The following SRFBP1 variants were observed in gnomAD, a reference collection of about 807,000 sequenced individuals.
The protein encoded by SRFBP1 is serum response factor binding protein 1, also known as serum response factor-binding protein 1.
In SRFBP1, 47 loss-of-function variants were observed where a neutral mutation model predicts 45.5. That is an observed-to-expected ratio of 1.03 (90% CI 0.82 to 1.32). SRFBP1 has a LOEUF of 1.32. Among genes scored for constraint, SRFBP1 ranks in the 40% most tolerant of loss-of-function variants. The probability of loss-of-function intolerance (pLI) is 0.00; values close to 1 mark genes in which losing one functional copy is unlikely to be tolerated. For missense variants in SRFBP1, 621 were observed against 484.6 expected (o/e 1.28, Z -2.64); for synonymous variants, 203 against 166.3 (o/e 1.22, Z -1.70).
At chr5:121,973,606 ATG>A (rs202190414) in intron 1 of SRFBP1, among the ~76,000 whole-genome samples, 6,312 of 136,966 alleles carry the variant, frequency 0.046, 161 homozygotes, top group African/African-American at 0.06. Flanking sequence ...ATGTGTGTGC[ATG>A]TGTGTGTGGG....
intron 2 of SRFBP1, among the ~76,000 whole-genome samples, chr5:122,062,485 C>T (rs1195611668): frequency 1.3e-5 from 2 of 151,962 alleles, no homozygotes; most frequent in East Asian, 3.9e-4. Context: ...AATTAATGAA[C>T]AGTGCTTGAA....
chr5:122,019,118 G>T, intron 4 of SRFBP1, 142 bp from the exon 5 acceptor site: 1 of 690,666 alleles, frequency 1.4e-6, no homozygotes. Flanking sequence ...TGATTATACA[G>T]ATATCTTATC....
At position 121,961,991 on chromosome 5, in the gene SRFBP1, G is replaced by A. The variant is rs1290817911; in HGVS notation, c.-42G>A. ...GACGCAGCCGCGGTCTGAGAGACCG[G>A]TTCACGTGCAGGCAGCGGCGGATCA... On this transcript the variant is annotated 5_prime_UTR_variant, in exon 1 of 8. Transcript: ENST00000339397. 13 of 1,613,476 alleles carry A rather than the reference G, an allele frequency of 8.1e-6. No homozygotes were observed. The highest frequency in any genetic ancestry group is 1.7e-5 in the Admixed American group (1 of 59,994).
At chr5:121,971,106 T>C (rs1481844406) in intron 1 of SRFBP1, among the ~76,000 whole-genome samples, 2 of 152,008 alleles carry the variant, frequency 1.3e-5, no homozygotes, top group African/African-American at 4.8e-5. Context: ...GAAAGGCCAA[T>C]GTGATTCTTC....
rs1241046089 is a variant in SRFBP1, at chr5:122,027,421, T to A, written c.*295T>A. The A allele has an allele frequency of 3.8e-5, 7 of 182,282 alleles. No homozygotes were observed. The highest frequency in any genetic ancestry group is 4.7e-5 in the African/African-American group (2 of 42,582). The allele number at this position is 182,282 out of a possible 1,614,324, so 11.3% of individuals were successfully genotyped here. A position where few individuals can be genotyped will look rare whatever the true frequency, so the allele number is the denominator to read the frequency against. ...GAATGTTTGTTTTTGTATTTTTTTTTAAAGTAAATTCAACTTACGCTTATA... is the reference window on the plus strand; with the variant it reads ...GAATGTTTGTTTTTGTATTTTTTTTAAAAGTAAATTCAACTTACGCTTATA... On this transcript the variant is annotated 3_prime_UTR_variant, in exon 8 of 8. Coordinates refer to ENST00000339397, the MANE Select transcript of SRFBP1 (RefSeq NM_152546.3).
intron 1 of SRFBP1, among the ~76,000 whole-genome samples, chr5:121,964,636 C>A (rs962154754): frequency 6.6e-6 from 1 of 152,120 alleles, no homozygotes; most frequent in Non-Finnish European, 1.5e-5. Flanking sequence ...CTGTTGTAAA[C>A]AGTGCCACAA....
At chr5:122,054,680 T>C (rs973075239) in intron 2 of SRFBP1, among the ~76,000 whole-genome samples, 18 of 152,332 alleles carry the variant, frequency 1.2e-4, no homozygotes, top group East Asian at 5.8e-4. Flanking sequence ...TAAATTAATA[T>C]ATTTATCTTT....
At chr5:122,050,950 A>G (rs1348489087) in intron 2 of SRFBP1, among the ~76,000 whole-genome samples, 3 of 152,076 alleles carry the variant, frequency 2.0e-5, no homozygotes, top group African/African-American at 2.4e-5. Context: ...AGTATGTTGT[A>G]TCTTCGTTCA....
intron 2 of SRFBP1, among the ~76,000 whole-genome samples, chr5:122,052,494 G>A (rs370754585): frequency 1.3e-5 from 2 of 152,080 alleles, no homozygotes; most frequent in African/African-American, 4.8e-5. Flanking sequence ...ATTTCAGAGT[G>A]CCAGTCTTCG....
At chr5:122,014,681 C>A (rs908424691) in intron 4 of SRFBP1, among the ~76,000 whole-genome samples, 1 of 152,066 alleles carries the variant, frequency 6.6e-6, no homozygotes, top group Non-Finnish European at 1.5e-5. Flanking sequence ...ACTAAATCAG[C>A]GTTAGTCTGG....
chr5:122,077,031 G>T (rs1561420852), downstream of SRFBP1: 4 of 1,609,424 alleles, frequency 2.5e-6, no homozygotes, highest in Admixed American at 5.0e-5. The surrounding 1 kb of genome is among the most constrained non-coding windows in gnomAD (Gnocchi z 4.9). Flanking sequence ...GGGCGCAGCA[G>T]TGAAACAACC....
chr5:122,026,407 A>G (rs1753481147), intron 7 of SRFBP1, among the ~76,000 whole-genome samples: 1 of 152,234 alleles, frequency 6.6e-6, no homozygotes, highest in African/African-American at 2.4e-5. Context: ...TCTTGAGTAG[A>G]CTTAGTACTA....
chr5:122,053,805 T>C (rs1754031564), intron 2 of SRFBP1, among the ~76,000 whole-genome samples: 1 of 151,898 alleles, frequency 6.6e-6, no homozygotes, highest in African/African-American at 2.4e-5. Flanking sequence ...GCAAGCATTG[T>C]CCTCCTGGCT....
chr5:121,983,631 G>T (rs976830500), intron 3 of SRFBP1, among the ~76,000 whole-genome samples: 1 of 151,652 alleles, frequency 6.6e-6, no homozygotes, highest in African/African-American at 2.4e-5. Context: ...AGTTTTTTAA[G>T]CTTTTGTTCA....
intron 2 of SRFBP1, chr5:122,066,670 T>A: frequency 8.2e-7 from 1 of 1,215,198 alleles, no homozygotes; most frequent in South Asian, 1.2e-5. Context: ...TAAATCCTAC[T>A]GAAGTTAGTC....
At chr5:121,993,533 A>G (rs1475183074) in intron 3 of SRFBP1, among the ~76,000 whole-genome samples, 1 of 152,158 alleles carries the variant, frequency 6.6e-6, no homozygotes, top group Non-Finnish European at 1.5e-5. Flanking sequence ...TAAAGGTACT[A>G]GTTAAGGTCA....
chr5:122,031,302 T>G (rs1398707253), downstream of SRFBP1, among the ~76,000 whole-genome samples: 3 of 151,294 alleles, frequency 2.0e-5, no homozygotes, highest in Non-Finnish European at 4.4e-5. Context: ...ATATACAGAG[T>G]TGTAACATGT....
chr5:121,976,915 G>A (rs1276428394), intron 3 of SRFBP1, among the ~76,000 whole-genome samples: 1 of 151,196 alleles, frequency 6.6e-6, no homozygotes, highest in Non-Finnish European at 1.5e-5. Context: ...TTCTTTCCAT[G>A]GTTTGTTATA....
intron 3 of SRFBP1, 102 bp from the exon 4 acceptor site, chr5:121,994,497 G>C (rs2112674989): frequency 1.4e-6 from 1 of 705,240 alleles, no homozygotes; most frequent in East Asian, 3.1e-5. Flanking sequence ...TCAAAATTAA[G>C]ATGTTATTTA....
Sources: gnomAD v4.1 joint callset for allele counts (sites outside exome capture counted in the v4.1 genomes callset) on GRCh38, gnomAD v4.1.1 for gene constraint, Gnocchi (gnomAD v3.1) non-coding constraint, MANE v1.5 for transcripts, NCBI Gene and HGNC (gene_info 2026-07-23, HGNC 2026-07-21) for gene names.